IDH2: variants seen among roughly 807,000 people sequenced by gnomAD.
IDH2 encodes the protein isocitrate dehydrogenase [NADP], mitochondrial.
Under a neutral mutation model 50.5 loss-of-function variants are expected in IDH2, and 18 were observed. That is an observed-to-expected ratio of 0.36 (90% CI 0.25 to 0.53). IDH2 has a LOEUF of 0.53. IDH2 is among the 20% of genes least tolerant of loss of function. The probability of loss-of-function intolerance (pLI) is 0.92; values close to 1 mark genes in which losing one functional copy is unlikely to be tolerated. For synonymous variants in IDH2, 280 were observed against 239.8 expected, an observed-to-expected ratio of 1.17 and a Z score of -1.55; for missense variants, 518 against 610.7, an observed-to-expected ratio of 0.85 and a Z score of 1.60.
In IDH2 at chr15:90,098,543, T is replaced by TATGCATGCATGTATGCATGC. The variant is rs1036769363; in HGVS notation, c.115+3732_115+3733insGCATGCATACATGCATGCAT. Among the ~76,000 whole-genome samples the TATGCATGCATGTATGCATGC allele has an allele frequency of 6.7e-6, 1 of 148,200 alleles. No homozygotes were observed. Among genetic ancestry groups the TATGCATGCATGTATGCATGC allele is most frequent in the Non-Finnish European group, 1.5e-5 (1 of 66,138 alleles). ...GTATGTATGCATGCATGTATGTATG[T>TATGCATGCATGTATGCATGC]ATGTATGTATGTATGTATTGAGACA... On this transcript the variant is annotated intron_variant, in intron 1 of 10. Transcript: ENST00000330062. The surrounding 1 kb of genome is among the most constrained non-coding windows in gnomAD (Gnocchi z 5.1).
chr15:90,091,784 T>G (rs1901045960), intron 1 of IDH2, 140 bp from the exon 2 acceptor site: 1 of 743,214 alleles, frequency 1.3e-6, no homozygotes. Flanking sequence ...CTCCCCCGTC[T>G]GCAAATCAGC....
At chr15:90,094,511 T>G (rs889152203) in intron 1 of IDH2, among the ~76,000 whole-genome samples, 6 of 152,226 alleles carry the variant, frequency 3.9e-5, no homozygotes, top group Non-Finnish European at 7.3e-5. Context: ...CAATTACTCT[T>G]GTGTTACACA....
At chr15:90,092,341 ACTTCCTTTCCTTTCTTTC>A (rs1442117441) in intron 1 of IDH2, among the ~76,000 whole-genome samples, 20 of 150,398 alleles carry the variant, frequency 1.3e-4, no homozygotes, top group East Asian at 5.9e-4. Flanking sequence ...ATCCTTACTT[ACTTCCTTTCCTTTCTTTC>A]CTTCCTTTCC....
chr15:90,088,478 C>T lies in IDH2; in HGVS notation c.559G>A (p.Asp187Asn), dbSNP rs2151549301. The change falls in exon 5 of 11, where the codon GAC (aspartate) becomes AAC (asparagine). Residue 187 changes from aspartate to asparagine, a missense_variant. Transcript: ENST00000330062. ...DQYKATDFVA[D>N]RAGTFKMVFT... The stretch of plus-strand genomic sequence containing the variant: ...ACCATTTTGAAAGTGCCGGCCCGGT[C>T]TGCCACAAAGTCTGTGGCCTTGTAC... 6.2e-7 allele frequency: 1 copy of T among 1,614,254 alleles called. No individual in the cohort carries two copies. Among genetic ancestry groups the T allele is most frequent in the Non-Finnish European group, 8.5e-7 (1 of 1,180,044 alleles).
chr15:90,092,590 T>C (rs1901072299), intron 1 of IDH2, among the ~76,000 whole-genome samples: 1 of 151,750 alleles, frequency 6.6e-6, no homozygotes, highest in Admixed American at 6.6e-5. Flanking sequence ...TTTTTTTTTT[T>C]CTGAGACGAA....
At position 90,087,501 on chromosome 15, in the gene IDH2, C is replaced by A; in HGVS notation, c.753G>T (p.Lys251Asn). The change falls in exon 6 of 11, where the codon AAG becomes AAT. Residue 251 changes from lysine (K) to asparagine (N), a missense_variant. Lys to Asn is a moderately conservative substitution (Grantham distance 94). Transcript: ENST00000330062. ...CATCGTAGGCTTTCAGTATGGTGTT[C>A]TTGGTGCTCATGTACAGCGGCCATT... is the stretch of plus-strand genomic sequence containing the variant. ...QKKWPLYMST[K>N]NTILKAYDGR... 1 of 1,614,196 alleles carries A rather than the reference C, an allele frequency of 6.2e-7. No homozygotes were observed. The highest frequency in any genetic ancestry group is 1.1e-5 in the South Asian group (1 of 91,086).
chr15:90,091,200 C>T (rs950506856), intron 2 of IDH2, among the ~76,000 whole-genome samples: 1 of 152,238 alleles, frequency 6.6e-6, no homozygotes, highest in African/African-American at 2.4e-5. Flanking sequence ...CACTGCCCTA[C>T]ACACCAGCCC....
chr15:90,094,457 G>T (rs1238568694), intron 1 of IDH2, among the ~76,000 whole-genome samples: 1 of 152,226 alleles, frequency 6.6e-6, no homozygotes, highest in Non-Finnish European at 1.5e-5. Flanking sequence ...GCTGAGAGCT[G>T]TGCCCTTTCC....
intron 1 of IDH2, among the ~76,000 whole-genome samples, chr15:90,099,758 T>C (rs568674643): frequency 2.6e-5 from 4 of 152,258 alleles, no homozygotes; most frequent in African/African-American, 9.6e-5. Context: ...GTGCCTGGCC[T>C]TCCTTAGCTC....
At chr15:90,086,072 T>A (rs573394885) in intron 7 of IDH2, among the ~76,000 whole-genome samples, 1 of 152,214 alleles carries the variant, frequency 6.6e-6, no homozygotes, top group Non-Finnish European at 1.5e-5. Context: ...TAAGGTTCAT[T>A]TTCATGCCTC....
chr15:90,086,710 G>T (rs1326562892), intron 7 of IDH2, among the ~76,000 whole-genome samples: 1 of 152,104 alleles, frequency 6.6e-6, no homozygotes, highest in Non-Finnish European at 1.5e-5. Flanking sequence ...GGGTTTGCAG[G>T]CTTCCCCAAC....
Position 90,086,381 on chromosome 15 carries a change from T to C in IDH2, c.967+731A>G, listed in dbSNP as rs16943894. The stretch of plus-strand genomic sequence containing the variant: ...TGTTCTTCTCTAATGGTCTCACCTA[T>C]ACTTTATTTTTTATTTTTTATTTTT... On this transcript the variant is annotated intron_variant, in intron 7 of 10. Transcript: ENST00000330062. 7.7e-3 allele frequency among the ~76,000 whole-genome samples: 1,175 copies of C among 152,258 alleles called. 47 individuals are homozygous for C. The East Asian group carries it at 0.1, about 13-fold the overall frequency.
intron 1 of IDH2, among the ~76,000 whole-genome samples, chr15:90,092,434 C>G (rs1901066825): frequency 6.7e-6 from 1 of 148,704 alleles, no homozygotes; most frequent in Non-Finnish European, 1.5e-5. Context: ...TTGGCAGGGT[C>G]CTGTTCCATT....
Position 90,090,711 on chromosome 15 carries a change from A to G in IDH2, c.208-67T>C, listed in dbSNP as rs538804127. The G allele has an allele frequency of 6.1e-4, 933 of 1,534,224 alleles. 13 individuals are homozygous for G. In the South Asian group the frequency reaches 9.7e-3, roughly 16 times the overall value. On this transcript the variant is annotated intron_variant, in intron 2 of 10. Transcript: ENST00000330062. ...CAGGGACATGACAACAAAGGGCAGG[A>G]TAAGAAGTCTGCAGGCCATGGCAGG...
intron 6 of IDH2, 64 bp downstream of exon 6, chr15:90,087,375 G>T (rs1567253803): frequency 1.9e-6 from 3 of 1,610,386 alleles, no homozygotes; most frequent in Middle Eastern, 1.6e-4. Flanking sequence ...CCTTCCCAGG[G>T]TAGGATGGGA....
intron 1 of IDH2, among the ~76,000 whole-genome samples, chr15:90,096,504 CAG>C (rs1417465649): frequency 6.6e-6 from 1 of 152,112 alleles, no homozygotes; most frequent in East Asian, 1.9e-4. Context: ...AAAAACAAAA[CAG>C]AAAATAAAGT....
In IDH2 at chr15:90,102,281, C is replaced by T. The variant is rs1005767629; in HGVS notation, c.110G>A (p.Arg37His). 17 of 1,286,994 alleles carry T rather than the reference C, an allele frequency of 1.3e-5. 1 individual carries two copies. The Admixed American group carries it at 4.7e-4, about 36-fold the overall frequency. 79.7% of individuals were successfully genotyped at this position (1,286,994 alleles called of 1,614,324 possible). A position where few individuals can be genotyped will look rare whatever the true frequency, so the allele number is the denominator to read the frequency against. Residue 37 changes from arginine (R) to histidine (H), a missense_variant, in exon 1 of 11, where the codon CGC becomes CAC. Arg to His is a conservative substitution (Grantham distance 29, BLOSUM62 0). Transcript: ENST00000330062. ...ACCCTCCGCGCGGCACTCACAGTGG[C>T]GCCGCGGCTGCTCTTGCGAGGTGGG... The part of the protein sequence containing the change: ...TAPTSQEQPR[R>H]HYADKRIKVA...
In IDH2 at chr15:90,084,308, G is replaced by A. The variant is rs1453284138; in HGVS notation, c.1317C>T (p.Asp439=). The stretch of plus-strand genomic sequence containing the variant: ...CTCTGTCCAGGTTGCTCTTGATGGT[G>A]TCGAGGAAGTCCGTGGTGTTCAGGA... ...EHFLNTTDFL[D]TIKSNLDRAL... is the part of the protein sequence containing the mutation. The change falls in exon 11 of 11, where the codon GAC becomes GAT. Residue 439 remains aspartate, a synonymous_variant. Transcript: ENST00000330062. The surrounding 1 kb of genome is among the most constrained non-coding windows in gnomAD (Gnocchi z 5.0). 1 of 1,614,100 alleles carries A rather than the reference G, an allele frequency of 6.2e-7. No homozygotes were observed. Among genetic ancestry groups the A allele is most frequent in the Admixed American group, 1.7e-5 (1 of 60,024 alleles).
intron 1 of IDH2, among the ~76,000 whole-genome samples, chr15:90,096,706 A>AGATC (rs886069967): frequency 6.6e-6 from 1 of 152,134 alleles, no homozygotes; most frequent in Non-Finnish European, 1.5e-5. Context: ...CGAGGTCAGA[A>AGATC]GATCGAGACC....
Sources: allele counts gnomAD v4.1 joint callset (sites outside exome capture counted in the v4.1 genomes callset), GRCh38; gene constraint gnomAD v4.1.1; non-coding constraint Gnocchi (gnomAD v3.1); transcripts MANE v1.5; gene names NCBI Gene and HGNC (gene_info 2026-07-23, HGNC 2026-07-21).